Variants in METTL15 observed in about 807,000 individuals in gnomAD.
METTL15 encodes the protein 12S rRNA N(4)-cytidine methyltransferase METTL15.
Under a neutral mutation model 38.3 loss-of-function variants are expected in METTL15, and 34 were observed. The ratio of observed to expected loss-of-function variants is 0.89; its 90% CI spans 0.68 to 1.18. The LOEUF (loss-of-function observed/expected upper bound fraction) is 1.18, where lower values mean the gene tolerates loss of function less well. Ranked by LOEUF, METTL15 falls within the 50% of genes most tolerant of loss-of-function variation. The pLI, the probability that METTL15 is intolerant of heterozygous loss-of-function variation, is 0.00. For missense variants in METTL15, 438 were observed against 498.4 expected (o/e 0.88, Z 1.15); for synonymous variants, 162 against 170.9 (o/e 0.95, Z 0.41).
chr11:28,270,578 C>T (rs536350516), intron 4 of METTL15, among the ~76,000 whole-genome samples: 49 of 152,214 alleles, frequency 3.2e-4, no homozygotes, highest in African/African-American at 1.1e-3. Flanking sequence ...TGCCACTACC[C>T]GTAACAATAG....
At chr11:28,351,166 A>G (rs970087764) in intron 3 of METTL15, among the ~76,000 whole-genome samples, 4 of 152,080 alleles carry the variant, frequency 2.6e-5, no homozygotes, top group Non-Finnish European at 4.4e-5. Flanking sequence ...GGCTGGAGTG[A>G]AGTGGTGCAA....
At chr11:28,431,123 T>A (rs1850923240) in intron 6 of METTL15, among the ~76,000 whole-genome samples, 1 of 70,654 alleles carries the variant, frequency 1.4e-5, no homozygotes, top group East Asian at 3.8e-4. Flanking sequence ...GGAGCCCCTC[T>A]GCCCGGCCAG....
chr11:28,436,042 TA>T (rs144663130), intron 6 of METTL15, among the ~76,000 whole-genome samples: 4,297 of 152,326 alleles, frequency 0.028, 193 homozygotes, highest in African/African-American at 0.098. Flanking sequence ...GTGTATCAAA[TA>T]CAGTCAATAA....
intron 3 of METTL15, among the ~76,000 whole-genome samples, chr11:28,180,375 T>A (rs1297697752): frequency 6.6e-6 from 1 of 151,918 alleles, no homozygotes; most frequent in South Asian, 2.1e-4. Context: ...AATTTTGTTG[T>A]GAAACTAGAG....
At chr11:28,372,553 G>C (rs1184722386) in intron 5 of METTL15, among the ~76,000 whole-genome samples, 1 of 145,952 alleles carries the variant, frequency 6.9e-6, no homozygotes, top group Admixed American at 6.9e-5. Flanking sequence ...ACAATTGGTT[G>C]ACATTTCTTA....
At chr11:28,305,891 T>A (rs942701618) in intron 6 of METTL15, among the ~76,000 whole-genome samples, 1 of 152,052 alleles carries the variant, frequency 6.6e-6, no homozygotes, top group Non-Finnish European at 1.5e-5. Flanking sequence ...TCCTGGCAAC[T>A]AATAGAAATT....
At chr11:28,233,327 A>G (rs1398593167) in intron 4 of METTL15, among the ~76,000 whole-genome samples, 1 of 152,154 alleles carries the variant, frequency 6.6e-6, no homozygotes, top group African/African-American at 2.4e-5. Flanking sequence ...CAGGATAGTT[A>G]TAAGACAGAA....
intron 3 of METTL15, among the ~76,000 whole-genome samples, chr11:28,188,738 T>C (rs902352373): frequency 1.3e-5 from 2 of 151,186 alleles, no homozygotes; most frequent in African/African-American, 4.8e-5. Context: ...GGAACGTCTT[T>C]GGTAGCATAG....
chr11:28,280,663 T>C (rs1432077304), intron 4 of METTL15, among the ~76,000 whole-genome samples: 1 of 132,988 alleles, frequency 7.5e-6, no homozygotes, highest in African/African-American at 3.2e-5. Context: ...CCATGTCTCT[T>C]ATGCTTTTTT....
intron 3 of METTL15, among the ~76,000 whole-genome samples, chr11:28,118,855 G>A (rs1300307291): frequency 1.3e-5 from 2 of 152,168 alleles, no homozygotes; most frequent in Admixed American, 6.5e-5. Flanking sequence ...GATTAGATGA[G>A]TTAATATACA....
At chr11:28,294,303 C>A (rs982426782) in intron 5 of METTL15, among the ~76,000 whole-genome samples, 2 of 152,112 alleles carry the variant, frequency 1.3e-5, no homozygotes, top group Non-Finnish European at 2.9e-5. Flanking sequence ...CAAACATGTG[C>A]AATGCTAATC....
At chr11:28,340,525 A>C (rs894888638) in intron 3 of METTL15, among the ~76,000 whole-genome samples, 21 of 152,196 alleles carry the variant, frequency 1.4e-4, no homozygotes, top group Admixed American at 9.8e-4. Context: ...ATGAACAGAC[A>C]CTTCTCAAAA....
intron 6 of METTL15, among the ~76,000 whole-genome samples, chr11:28,441,049 T>C (rs945190695): frequency 8.3e-6 from 1 of 120,756 alleles, no homozygotes; most frequent in African/African-American, 3.1e-5. Flanking sequence ...GGCTTTTACT[T>C]ATGACACTAC....
At chr11:28,310,385 C>G (rs1229936813) in intron 6 of METTL15, among the ~76,000 whole-genome samples, 1 of 151,916 alleles carries the variant, frequency 6.6e-6, no homozygotes, top group Non-Finnish European at 1.5e-5. Flanking sequence ...CACGCACGCA[C>G]CCATGAATAT....
chr11:28,314,249 A>G (rs1857403212), intron 6 of METTL15, among the ~76,000 whole-genome samples: 3 of 152,226 alleles, frequency 2.0e-5, no homozygotes, highest in African/African-American at 7.2e-5. Flanking sequence ...AGGAAAGATA[A>G]ATATTTTTTG....
intron 4 of METTL15, among the ~76,000 whole-genome samples, chr11:28,259,521 G>A (rs964966043): frequency 4.6e-5 from 7 of 152,162 alleles, no homozygotes; most frequent in African/African-American, 7.2e-5. Context: ...CTCTTTATCC[G>A]TTGGTGGTGA....
At chr11:28,407,283 A>G (rs1486904307) in intron 5 of METTL15, among the ~76,000 whole-genome samples, 1 of 152,228 alleles carries the variant, frequency 6.6e-6, no homozygotes, top group East Asian at 1.9e-4. Flanking sequence ...CGTCAAAAGT[A>G]TTTGCAACAA....
At chr11:28,235,004 A>C (rs1316610210) in intron 4 of METTL15, among the ~76,000 whole-genome samples, 1 of 152,142 alleles carries the variant, frequency 6.6e-6, no homozygotes, top group East Asian at 1.9e-4. Flanking sequence ...GAAGGGATCC[A>C]GTTTCAGCTT....
intron 3 of METTL15, among the ~76,000 whole-genome samples, chr11:28,190,517 G>A (rs1224911664): frequency 6.6e-6 from 1 of 151,002 alleles, no homozygotes; most frequent in South Asian, 2.1e-4. Context: ...AATTATTTTA[G>A]AATTACAAAT....
Sources: gnomAD v4.1 joint callset for allele counts (sites outside exome capture counted in the v4.1 genomes callset) on GRCh38, gnomAD v4.1.1 for gene constraint, MANE v1.5 for transcripts, NCBI Gene and HGNC (gene_info 2026-07-23, HGNC 2026-07-21) for gene names.